Variants in TAF1B observed in about 807,000 individuals in gnomAD.
TAF1B encodes the protein TATA-box binding protein associated factor, RNA polymerase I subunit B.
Under a neutral mutation model 83.9 loss-of-function variants are expected in TAF1B, and 61 were observed. That is an observed-to-expected ratio of 0.73 (90% CI 0.59 to 0.90). The LOEUF (loss-of-function observed/expected upper bound fraction) is 0.90. Among genes scored for constraint, TAF1B ranks in the 40% least tolerant of loss-of-function variants. The pLI is 0.00. For missense variants in TAF1B, 625 were observed against 677.0 expected, an observed-to-expected ratio of 0.92 and a Z score of 0.85; for synonymous variants, 221 against 224.6, an observed-to-expected ratio of 0.98 and a Z score of 0.14.
chr2:9,875,639 C>T (rs1213114464), intron 6 of TAF1B, among the ~76,000 whole-genome samples: 1 of 152,124 alleles, frequency 6.6e-6, no homozygotes, highest in Non-Finnish European at 1.5e-5. Flanking sequence ...TATTCACTCT[C>T]ATGAGAACAG....
At chr2:9,918,692 A>T (rs1665776513) in intron 12 of TAF1B, among the ~76,000 whole-genome samples, 1 of 152,280 alleles carries the variant, frequency 6.6e-6, no homozygotes, top group Non-Finnish European at 1.5e-5. Context: ...GGACAAAGGC[A>T]ATGAGGAACA....
intron 1 of TAF1B, 151 bp downstream of exon 1, chr2:9,843,710 TGG>T (rs1663101054): frequency 2.3e-6 from 2 of 881,872 alleles, no homozygotes. Context: ...GGCTAAGGAC[TGG>T]GGCTGGCCGG....
At chr2:9,851,405 G>C in intron 3 of TAF1B, 136 bp from the exon 4 acceptor site, 1 of 549,476 alleles carries the variant, frequency 1.8e-6, no homozygotes, top group South Asian at 4.9e-5. Context: ...AAGATGCTAA[G>C]CTGCTAAGTT....
At chr2:9,928,426 T>C (rs547853488) in intron 14 of TAF1B, among the ~76,000 whole-genome samples, 1 of 152,320 alleles carries the variant, frequency 6.6e-6, no homozygotes, top group African/African-American at 2.4e-5. Flanking sequence ...GGGGATGGCA[T>C]TGAATCTATA....
chr2:9,879,614 G>C (rs1006159060), intron 7 of TAF1B, among the ~76,000 whole-genome samples: 2 of 152,158 alleles, frequency 1.3e-5, no homozygotes, highest in Non-Finnish European at 2.9e-5. Flanking sequence ...CTAGTGCCAA[G>C]CCCTAAAGCA....
intron 6 of TAF1B, among the ~76,000 whole-genome samples, chr2:9,869,737 G>A (rs1056337608): frequency 5.3e-5 from 8 of 151,932 alleles, no homozygotes; most frequent in South Asian, 4.2e-4. Context: ...TTAGCTAGGC[G>A]TGGTGGTATG....
At chr2:9,916,280 G>C (rs1408450936) in intron 12 of TAF1B, among the ~76,000 whole-genome samples, 1 of 152,214 alleles carries the variant, frequency 6.6e-6, no homozygotes, top group Non-Finnish European at 1.5e-5. Flanking sequence ...TAGATAACAT[G>C]TAACTGGAAA....
At chr2:9,870,029 G>A (rs1338727873) in intron 6 of TAF1B, among the ~76,000 whole-genome samples, 2 of 151,834 alleles carry the variant, frequency 1.3e-5, no homozygotes, top group African/African-American at 4.8e-5. Flanking sequence ...GTATGTATAC[G>A]GAAAGAATTT....
At chr2:9,850,823 A>G (rs1395076379) in intron 3 of TAF1B, among the ~76,000 whole-genome samples, 1 of 152,186 alleles carries the variant, frequency 6.6e-6, no homozygotes, top group Non-Finnish European at 1.5e-5. Flanking sequence ...ACAATCTCTT[A>G]GGGTAGTTTT....
At chr2:9,895,716 A>G (rs1485188804) in intron 8 of TAF1B, among the ~76,000 whole-genome samples, 1 of 151,886 alleles carries the variant, frequency 6.6e-6, no homozygotes, top group Non-Finnish European at 1.5e-5. Context: ...AGTCTTGATA[A>G]CAGTTTGGTT....
intron 9 of TAF1B, among the ~76,000 whole-genome samples, chr2:9,909,398 AGAT>A (rs1055157739): frequency 2.0e-5 from 3 of 152,258 alleles, no homozygotes; most frequent in African/African-American, 7.2e-5. Context: ...AAGTTCTCTA[AGAT>A]GAGTGAGCTT....
chr2:9,883,611 A>T (rs1664576521), intron 8 of TAF1B, among the ~76,000 whole-genome samples: 2 of 152,212 alleles, frequency 1.3e-5, no homozygotes, highest in African/African-American at 4.8e-5. Context: ...AATTTTATGG[A>T]AGTTTCAGCA....
intron 14 of TAF1B, among the ~76,000 whole-genome samples, chr2:9,921,203 C>CA (rs1553293696): frequency 6.6e-6 from 1 of 152,094 alleles, no homozygotes; most frequent in Non-Finnish European, 1.5e-5. Context: ...GCAATCCTCC[C>CA]ACCTCAGCCT....
At chr2:9,895,665 CT>C (rs1420643055) in intron 8 of TAF1B, among the ~76,000 whole-genome samples, 1 of 152,098 alleles carries the variant, frequency 6.6e-6, no homozygotes, top group Non-Finnish European at 1.5e-5. Flanking sequence ...GTCATTACTT[CT>C]GATAGTTTTA....
At chr2:9,843,470 C>T, upstream of TAF1B, 35 of 1,510,136 alleles carry the variant, frequency 2.3e-5, no homozygotes, top group South Asian at 3.8e-4. Flanking sequence ...GAAGCTTCTC[C>T]AGCCTTTCCC....
Position 9,919,864 on chromosome 2 carries a change from GACTGT to G in TAF1B, c.1565+46_1565+50del, listed in dbSNP as rs747189623. The G allele has an allele frequency of 4.9e-5, 76 of 1,548,692 alleles. 2 individuals carry two copies. In the East Asian group the frequency reaches 1.8e-3, roughly 37 times the overall value. Reference sequence around the variant, plus strand: ...AAAGTCACATATAATTGAAGTAGTTGACTGTATAAGAGCCAGATAGGTTTTTTGTT... The same window carrying G: ...AAAGTCACATATAATTGAAGTAGTTGATAAGAGCCAGATAGGTTTTTTGTT... On this transcript the variant is annotated intron_variant, in intron 14 of 14. Coordinates refer to ENST00000263663, the MANE Select transcript of TAF1B (RefSeq NM_005680.3).
intron 8 of TAF1B, among the ~76,000 whole-genome samples, chr2:9,890,292 C>A (rs939075785): frequency 6.6e-6 from 1 of 152,152 alleles, no homozygotes; most frequent in African/African-American, 2.4e-5. Flanking sequence ...TTTTCCAGTT[C>A]TCTGTTGGAT....
At chr2:9,862,796 T>C (rs1346899324) in intron 5 of TAF1B, among the ~76,000 whole-genome samples, 1 of 152,192 alleles carries the variant, frequency 6.6e-6, no homozygotes, top group African/African-American at 2.4e-5. Flanking sequence ...TATTCAACAT[T>C]CTTAAAGAAA....
chr2:9,919,458 C>T (rs529355365), intron 13 of TAF1B, 140 bp from the exon 14 acceptor site: 48 of 715,806 alleles, frequency 6.7e-5, no homozygotes, highest in South Asian at 4.3e-4. Flanking sequence ...TTTCCCTTAA[C>T]GTTATCCTGT....
Sources: gnomAD v4.1 joint callset for allele counts (sites outside exome capture counted in the v4.1 genomes callset) on GRCh38, gnomAD v4.1.1 for gene constraint, MANE v1.5 for transcripts, NCBI Gene and HGNC (gene_info 2026-07-23, HGNC 2026-07-21) for gene names.